PLOD2: variants seen among roughly 807,000 people sequenced by gnomAD.
PLOD2 encodes procollagen-lysine,2-oxoglutarate 5-dioxygenase 2, also known as lysine hydroxylase 2.
In PLOD2, 65 loss-of-function variants were observed where a neutral mutation model predicts 101.0. That is an observed-to-expected ratio of 0.64 (90% CI 0.53 to 0.79). The LOEUF (loss-of-function observed/expected upper bound fraction) is 0.79, where lower values mean the gene tolerates loss of function less well. PLOD2 is among the 30% of genes least tolerant of loss of function. PLOD2 has a pLI of 0.00. For synonymous variants in PLOD2, 314 were observed against 302.9 expected, an observed-to-expected ratio of 1.04 and a Z score of -0.38; for missense variants, 909 against 914.6, an observed-to-expected ratio of 0.99 and a Z score of 0.08.
Position 146,129,057 on chromosome 3 carries a change from A to T in PLOD2, c.110-4828T>A, listed in dbSNP as rs575228903. On this transcript the variant is annotated intron_variant, in intron 1 of 19. Transcript: ENST00000282903. ...ATTTTAAACTGGCAACAATAAAAAA[A>T]AATTATTGTGCCACAGAAGTAACTG... Among the ~76,000 whole-genome samples the T allele has an allele frequency of 2.1e-3, 313 of 152,180 alleles. 2 individuals are homozygous for T. The highest frequency in any genetic ancestry group is 7.4e-3 in the African/African-American group (307 of 41,566).
intron 1 of PLOD2, among the ~76,000 whole-genome samples, chr3:146,132,408 G>A (rs945010023): frequency 4.6e-5 from 7 of 151,810 alleles, no homozygotes; most frequent in African/African-American, 1.7e-4. Context: ...GAACCATAAG[G>A]TCCAATACTA....
At chr3:146,088,541 C>T (rs1014587706) in intron 9 of PLOD2, 45 bp downstream of exon 9, 2 of 1,352,314 alleles carry the variant, frequency 1.5e-6, no homozygotes, top group South Asian at 1.2e-5. Context: ...CCAAAAAAGA[C>T]CAAAAATAGT....
chr3:146,083,934 A>T (rs1401482511), intron 11 of PLOD2, among the ~76,000 whole-genome samples: 1 of 151,724 alleles, frequency 6.6e-6, no homozygotes, highest in East Asian at 1.9e-4. Flanking sequence ...AGAGGGATAT[A>T]TGTCAAATAC....
chr3:146,080,693 T>C (rs1337593114), intron 12 of PLOD2, among the ~76,000 whole-genome samples: 1 of 152,134 alleles, frequency 6.6e-6, no homozygotes, highest in African/African-American at 2.4e-5. Flanking sequence ...CCATTCTACT[T>C]TCACAAACCC....
chr3:146,099,893 T>C (rs2108048976), intron 7 of PLOD2, among the ~76,000 whole-genome samples: 1 of 151,144 alleles, frequency 6.6e-6, no homozygotes, highest in East Asian at 2.0e-4. Flanking sequence ...TTTTTTTTTT[T>C]TTTTTTGAGA....
intron 1 of PLOD2, among the ~76,000 whole-genome samples, chr3:146,141,810 T>C (rs2031538267): frequency 6.6e-6 from 1 of 152,014 alleles, no homozygotes; most frequent in Admixed American, 6.6e-5. Context: ...CCACAAACAA[T>C]TTAAAATGGA....
In PLOD2 at chr3:146,161,069, G is replaced by T. The variant is rs1157212941; in HGVS notation, c.-80C>A. ...GCTTCTCGCGAGAACGCAGAGACCC[G>T]GGTCCGCCCTGAGCCGCCGATTGCG... On this transcript the variant is annotated 5_prime_UTR_variant, in exon 1 of 20. Transcript: ENST00000282903. The T allele has an allele frequency of 9.4e-7, 1 of 1,061,274 alleles. No homozygotes were observed. Among genetic ancestry groups the T allele is most frequent in the African/African-American group, 1.6e-5 (1 of 61,514 alleles). 65.7% of individuals were successfully genotyped at this position (1,061,274 alleles called of 1,614,324 possible).
At chr3:146,115,810 C>T (rs1937880693) in intron 3 of PLOD2, among the ~76,000 whole-genome samples, 2 of 152,098 alleles carry the variant, frequency 1.3e-5, no homozygotes, top group African/African-American at 2.4e-5. Flanking sequence ...GTCCTGATGA[C>T]CATATTGTCT....
At chr3:146,114,270 C>T (rs1204894544) in intron 3 of PLOD2, among the ~76,000 whole-genome samples, 1 of 151,992 alleles carries the variant, frequency 6.6e-6, no homozygotes, top group Admixed American at 6.6e-5. Flanking sequence ...TGACCCACAC[C>T]CTATTCATAC....
chr3:146,071,452 C>G (rs375209794), intron 17 of PLOD2, 29 bp from the exon 18 acceptor site: 2 of 1,604,264 alleles, frequency 1.2e-6, no homozygotes, highest in Non-Finnish European at 1.7e-6. Context: ...ACATAATAAG[C>G]TGTACTCCAC....
chr3:146,071,428 AAAC>A lies in PLOD2; in HGVS notation c.1849-8_1849-6del, dbSNP rs752198006. The A allele has an allele frequency of 2.3e-5, 37 of 1,611,008 alleles. No individual in the cohort carries two copies. In the South Asian group the frequency reaches 4.1e-4, roughly 18 times the overall value. On this transcript the variant is annotated splice_polypyrimidine_tract_variant and splice_region_variant and intron_variant, in intron 17 of 19. Transcript: ENST00000282903. ...ACCACCAGATATACGGCTATCCTAG[AAAC>A]AACATTAATGACATAATAAGCTGTA... is the stretch of plus-strand genomic sequence containing the variant.
chr3:146,093,642 GT>G (rs985681781), intron 7 of PLOD2, among the ~76,000 whole-genome samples: 2 of 151,960 alleles, frequency 1.3e-5, no homozygotes, highest in African/African-American at 4.8e-5. Context: ...CTGAGAAAAA[GT>G]TTTTTTAAAA....
At position 146,092,224 on chromosome 3, in the gene PLOD2, A is replaced by C. The variant is rs3792340; in HGVS notation, c.778-323T>G. 0.78 allele frequency among the ~76,000 whole-genome samples: 118,013 copies of C among 151,804 alleles called. 45,954 individuals carry two copies. The highest frequency in any genetic ancestry group is 0.83 in the East Asian group (4,298 of 5,166). ...ACAATGAAATAGAGTTTTAAATGGG[A>C]TAGTGAGACTTATTAGGAAAAATAC... On this transcript the variant is annotated intron_variant, in intron 7 of 19. Coordinates refer to ENST00000282903, the MANE Select transcript of PLOD2 (RefSeq NM_182943.3).
At chr3:146,143,372 T>C (rs2031621032) in intron 1 of PLOD2, among the ~76,000 whole-genome samples, 1 of 152,086 alleles carries the variant, frequency 6.6e-6, no homozygotes, top group African/African-American at 2.4e-5. Context: ...ACTTCTAAGA[T>C]GCAAAATTTT....
chr3:146,134,435 C>A (rs987444075), intron 1 of PLOD2, among the ~76,000 whole-genome samples: 7 of 152,044 alleles, frequency 4.6e-5, no homozygotes, highest in African/African-American at 1.7e-4. Flanking sequence ...ACAAATAGAG[C>A]GGACTTTAAT....
intron 7 of PLOD2, among the ~76,000 whole-genome samples, chr3:146,096,060 T>G (rs1225053880): frequency 8.2e-5 from 12 of 146,314 alleles, no homozygotes; most frequent in East Asian, 2.1e-4. Flanking sequence ...CTGGTTTTCG[T>G]TTTTTTTTGG....
At chr3:146,153,963 T>C (rs889342567) in intron 1 of PLOD2, among the ~76,000 whole-genome samples, 1 of 152,094 alleles carries the variant, frequency 6.6e-6, no homozygotes, top group African/African-American at 2.4e-5. Flanking sequence ...TTTGTAAAAA[T>C]TTGAGAATAT....
At chr3:146,103,233 G>A (rs747441470) in intron 6 of PLOD2, among the ~76,000 whole-genome samples, 4 of 152,100 alleles carry the variant, frequency 2.6e-5, no homozygotes, top group South Asian at 2.1e-4. Flanking sequence ...TGGTATCCAC[G>A]TCTGTCTTTT....
At chr3:146,158,141 A>C (rs1256768081) in intron 1 of PLOD2, among the ~76,000 whole-genome samples, 1 of 152,146 alleles carries the variant, frequency 6.6e-6, no homozygotes, top group Non-Finnish European at 1.5e-5. Context: ...TGGCAGGAAT[A>C]CATCCACCTT....
Sources: gnomAD v4.1 joint callset for allele counts (sites outside exome capture counted in the v4.1 genomes callset) on GRCh38, gnomAD v4.1.1 for gene constraint, MANE v1.5 for transcripts, NCBI Gene and HGNC (gene_info 2026-07-23, HGNC 2026-07-21) for gene names.